The following ROBO1 variants were observed in gnomAD, a reference collection of about 807,000 sequenced individuals.
The protein encoded by ROBO1 is roundabout homolog 1.
A neutral mutation model predicts 195.9 loss-of-function variants in ROBO1; 149 were observed. That is an observed-to-expected ratio of 0.76 (90% CI 0.67 to 0.87). The LOEUF is 0.87. Ranked by LOEUF, ROBO1 falls within the 40% of genes least tolerant of loss-of-function variation. ROBO1 has a pLI of 0.00. For synonymous variants in ROBO1, 816 were observed against 733.2 expected, an observed-to-expected ratio of 1.11 and a Z score of -1.82; for missense variants, 1,933 against 2,068.3, an observed-to-expected ratio of 0.93 and a Z score of 1.27.
At chr3:78,687,741 C>T (rs12106850) in intron 9 of ROBO1, among the ~76,000 whole-genome samples, 16 of 152,182 alleles carry the variant, frequency 1.1e-4, no homozygotes, top group African/African-American at 3.9e-4. Context: ...CCTCCTGCCC[C>T]AGCCTCCAGA....
At chr3:79,033,227 T>C (rs1218633460) in intron 3 of ROBO1, among the ~76,000 whole-genome samples, 2 of 152,076 alleles carry the variant, frequency 1.3e-5, no homozygotes, top group African/African-American at 2.4e-5. Context: ...CAACAAGATA[T>C]GTATGGTCCA....
intron 2 of ROBO1, among the ~76,000 whole-genome samples, chr3:79,458,890 G>GA (rs780540605): frequency 3.1e-4 from 46 of 149,640 alleles, no homozygotes; most frequent in Non-Finnish European, 3.3e-4. Flanking sequence ...ACTTAAAAAG[G>GA]AAAAAAAAAT....
intron 2 of ROBO1, among the ~76,000 whole-genome samples, chr3:79,361,936 T>C (rs1185274544): frequency 6.6e-6 from 1 of 152,096 alleles, no homozygotes; most frequent in Admixed American, 6.6e-5. Context: ...TCCAAGGTAG[T>C]AGCGTCCAAA....
chr3:79,028,057 A>G (rs2078233021), intron 3 of ROBO1, among the ~76,000 whole-genome samples: 1 of 152,046 alleles, frequency 6.6e-6, no homozygotes, highest in Admixed American at 6.6e-5. Context: ...ATTCTTTGCC[A>G]AAAATATTGT....
At chr3:79,734,473 A>T (rs1436794257) in intron 1 of ROBO1, among the ~76,000 whole-genome samples, 1 of 152,174 alleles carries the variant, frequency 6.6e-6, no homozygotes, top group Non-Finnish European at 1.5e-5. Flanking sequence ...CTCCATTCCA[A>T]CACTAAAACT....
intron 5 of ROBO1, among the ~76,000 whole-genome samples, chr3:78,737,333 G>A (rs530322744): frequency 6.6e-6 from 1 of 152,248 alleles, no homozygotes; most frequent in South Asian, 2.1e-4. Context: ...TATGGCATGA[G>A]TAGTTTTGGA....
intron 4 of ROBO1, among the ~76,000 whole-genome samples, chr3:78,811,021 C>T (rs1361957853): frequency 1.3e-5 from 2 of 152,184 alleles, no homozygotes; most frequent in South Asian, 2.1e-4. Flanking sequence ...AACCAGTTAC[C>T]CTCTGTAACT....
chr3:78,747,746 A>G (rs2082692041), intron 4 of ROBO1, among the ~76,000 whole-genome samples: 1 of 152,188 alleles, frequency 6.6e-6, no homozygotes, highest in Non-Finnish European at 1.5e-5. Flanking sequence ...ATACTGTAAA[A>G]CAAGCAGTAT....
chr3:78,830,789 T>C (rs1015897378), intron 4 of ROBO1, among the ~76,000 whole-genome samples: 26 of 152,322 alleles, frequency 1.7e-4, no homozygotes, highest in African/African-American at 6.0e-4. Flanking sequence ...GTTTCCAGCA[T>C]ATAAATCTAG....
At chr3:79,755,595 T>C (rs1264095372) in intron 1 of ROBO1, among the ~76,000 whole-genome samples, 1 of 152,140 alleles carries the variant, frequency 6.6e-6, no homozygotes, top group African/African-American at 2.4e-5. Flanking sequence ...TTAAAAAATT[T>C]AATGACACTG....
intron 4 of ROBO1, among the ~76,000 whole-genome samples, chr3:78,808,838 A>T (rs901422601): frequency 2.6e-5 from 4 of 152,192 alleles, no homozygotes; most frequent in Non-Finnish European, 5.9e-5. Context: ...CCTTATACAA[A>T]AATGAACTCA....
At chr3:78,721,895 T>A (rs909210856) in intron 5 of ROBO1, among the ~76,000 whole-genome samples, 2 of 152,070 alleles carry the variant, frequency 1.3e-5, no homozygotes, top group East Asian at 3.9e-4. Context: ...GTTGAAAGAA[T>A]CTATACAAAT....
chr3:79,357,742 C>T (rs1190581569), intron 2 of ROBO1, among the ~76,000 whole-genome samples: 2 of 152,068 alleles, frequency 1.3e-5, no homozygotes, highest in African/African-American at 2.4e-5. Flanking sequence ...TTAATTTTGA[C>T]TTTGTTTTAT....
intron 2 of ROBO1, among the ~76,000 whole-genome samples, chr3:79,192,734 C>A (rs565377397): frequency 1.3e-5 from 2 of 151,626 alleles, no homozygotes; most frequent in African/African-American, 4.8e-5. Flanking sequence ...TGCTGAAACA[C>A]CCAAGATGAT....
chr3:79,230,580 T>C (rs1223529599), intron 2 of ROBO1, among the ~76,000 whole-genome samples: 1 of 151,968 alleles, frequency 6.6e-6, no homozygotes, highest in Admixed American at 6.6e-5. Flanking sequence ...CCATAACAAC[T>C]ATAAGCCACT....
At chr3:79,075,247 G>A (rs145530839) in intron 3 of ROBO1, among the ~76,000 whole-genome samples, 2 of 151,964 alleles carry the variant, frequency 1.3e-5, no homozygotes, top group East Asian at 2.0e-4. Context: ...AACTGAAAAC[G>A]TGCCAAGGAT....
At chr3:79,359,284 T>G (rs761339825) in intron 2 of ROBO1, among the ~76,000 whole-genome samples, 3 of 151,984 alleles carry the variant, frequency 2.0e-5, no homozygotes, top group Non-Finnish European at 4.4e-5. Flanking sequence ...CATACCTCAC[T>G]CTTATAATTT....
chr3:78,860,131 GTAGATAGGTAGATAGA>G (rs1182185324), intron 4 of ROBO1, among the ~76,000 whole-genome samples: 1 of 131,716 alleles, frequency 7.6e-6, no homozygotes, highest in Non-Finnish European at 1.6e-5. Flanking sequence ...ACATAGGTAG[GTAGATAGGTAGATAGA>G]TAGATAGATA....
At chr3:78,667,821 C>A in intron 14 of ROBO1, 62 bp downstream of exon 14, 3 of 1,488,666 alleles carry the variant, frequency 2.0e-6, no homozygotes, top group South Asian at 1.2e-5. Context: ...AGTGATTTGT[C>A]AGTGCAATTA....
Sources: allele counts gnomAD v4.1 joint callset (sites outside exome capture counted in the v4.1 genomes callset), GRCh38; gene constraint gnomAD v4.1.1; transcripts MANE v1.5; gene names NCBI Gene and HGNC (gene_info 2026-07-23, HGNC 2026-07-21).